OXR1: variants seen among roughly 807,000 people sequenced by gnomAD.
OXR1 encodes the protein oxidation resistance 1.
In OXR1, 41 loss-of-function variants were observed where a neutral mutation model predicts 104.6. The ratio of observed to expected loss-of-function variants is 0.39; its 90% CI spans 0.31 to 0.51. OXR1 has a LOEUF of 0.51. OXR1 is among the 20% of genes least tolerant of loss of function. The pLI is 0.77. For missense variants in OXR1, 955 were observed against 1,031.9 expected (o/e 0.93, Z 1.02); for synonymous variants, 348 against 348.4 (o/e 1.00, Z 0.01).
intron 1 of OXR1, among the ~76,000 whole-genome samples, chr8:106,300,167 C>T (rs1407600203): frequency 6.6e-6 from 1 of 152,140 alleles, no homozygotes; most frequent in East Asian, 1.9e-4. Context: ...TTCATCATCT[C>T]TATCTAGAAA....
intron 2 of OXR1, among the ~76,000 whole-genome samples, chr8:106,370,333 G>T (rs1318524697): frequency 1.3e-5 from 2 of 152,134 alleles, no homozygotes; most frequent in Non-Finnish European, 2.9e-5. Flanking sequence ...ATAAAATCAT[G>T]CCATCTGCAG....
chr8:106,647,784 A>G (rs1197031450), intron 3 of OXR1, among the ~76,000 whole-genome samples: 1 of 152,216 alleles, frequency 6.6e-6, no homozygotes, highest in African/African-American at 2.4e-5. Flanking sequence ...GTGGGCTATG[A>G]TGCCCAACCC....
chr8:106,693,759 T>C lies in OXR1; in HGVS notation c.675+882T>C, dbSNP rs181655101. On this transcript the variant is annotated intron_variant, in intron 7 of 16. Transcript: ENST00000517566. ...AATCTATTTTGTCTGCTTCACTTTG[T>C]TGCTTTTCTAAGCAAAAACTTCTAA... Among the ~76,000 whole-genome samples, 11 of 152,228 alleles carry C rather than the reference T, an allele frequency of 7.2e-5. No individual in the cohort carries two copies. In the East Asian group the frequency reaches 2.1e-3, roughly 29 times the overall value.
At chr8:106,474,039 A>T (rs1821669313) in intron 2 of OXR1, among the ~76,000 whole-genome samples, 1 of 147,216 alleles carries the variant, frequency 6.8e-6, no homozygotes, top group Admixed American at 6.8e-5. Flanking sequence ...ACACACACAC[A>T]CACACACACA....
At chr8:106,424,733 T>G (rs1352820851) in intron 2 of OXR1, among the ~76,000 whole-genome samples, 2 of 152,152 alleles carry the variant, frequency 1.3e-5, no homozygotes, top group African/African-American at 4.8e-5. Flanking sequence ...TTATCTCCAC[T>G]AGCAAATTTA....
chr8:106,274,599 C>A (rs1441160878), intron 1 of OXR1, among the ~76,000 whole-genome samples: 1 of 95,560 alleles, frequency 1.0e-5, no homozygotes, highest in Admixed American at 9.4e-5. Flanking sequence ...CCAGCAACGC[C>A]ACCCCCCCCC....
intron 2 of OXR1, among the ~76,000 whole-genome samples, chr8:106,431,605 C>A (rs984226411): frequency 2.6e-5 from 4 of 152,152 alleles, no homozygotes; most frequent in African/African-American, 9.7e-5. Context: ...TCTATTCGTT[C>A]GTCTGTCTTC....
At chr8:106,704,887 C>CAA (rs2131367403) in intron 8 of OXR1, among the ~76,000 whole-genome samples, 1 of 152,078 alleles carries the variant, frequency 6.6e-6, no homozygotes, top group East Asian at 1.9e-4. Context: ...TCTTTAAATT[C>CAA]TGCCTTATGG....
intron 2 of OXR1, among the ~76,000 whole-genome samples, chr8:106,375,529 G>C (rs1816872186): frequency 6.6e-6 from 1 of 152,140 alleles, no homozygotes; most frequent in Non-Finnish European, 1.5e-5. Context: ...TTGAGCTATA[G>C]TTATCATCAG....
chr8:106,320,506 C>T (rs906606395), intron 1 of OXR1, among the ~76,000 whole-genome samples: 4 of 152,026 alleles, frequency 2.6e-5, no homozygotes, highest in African/African-American at 9.7e-5. Flanking sequence ...AGTAAATATG[C>T]CCTTCTGTTT....
intron 2 of OXR1, chr8:106,447,987 A>C: frequency 6.5e-7 from 1 of 1,533,486 alleles, no homozygotes; most frequent in Non-Finnish European, 8.7e-7. Context: ...CCCGGCTCCC[A>C]CACAGCTATA....
At chr8:106,377,289 C>G (rs1168569830) in intron 2 of OXR1, among the ~76,000 whole-genome samples, 1 of 151,998 alleles carries the variant, frequency 6.6e-6, no homozygotes, top group Non-Finnish European at 1.5e-5. Context: ...CCCAAGCGAT[C>G]TTTCCGTCTC....
Position 106,519,144 on chromosome 8 carries a change from G to C in OXR1, c.220+5G>C. 6.5e-7 allele frequency: 1 copy of C among 1,541,820 alleles called. No individual in the cohort carries two copies. The highest frequency in any genetic ancestry group is 8.8e-7 in the Non-Finnish European group (1 of 1,138,814). On this transcript the variant is annotated splice_donor_5th_base_variant and intron_variant, in intron 3 of 16. Coordinates refer to ENST00000517566, the MANE Select transcript of OXR1 (RefSeq NM_001198533.2). ...TGAAGAGGTTCTACACAATTGGTGA[G>C]CACCAGATGTTTTATGCAAGTGAAT...
chr8:106,433,583 G>A (rs947137113), intron 2 of OXR1, among the ~76,000 whole-genome samples: 1 of 152,110 alleles, frequency 6.6e-6, no homozygotes, highest in African/African-American at 2.4e-5. Context: ...ACTTAGTTCC[G>A]TCTATGCCCA....
intron 1 of OXR1, among the ~76,000 whole-genome samples, chr8:106,304,721 A>G (rs1813404471): frequency 6.6e-6 from 1 of 152,120 alleles, no homozygotes; most frequent in Non-Finnish European, 1.5e-5. Context: ...CATTATCTCA[A>G]ATTAGCCTCT....
At chr8:106,734,487 A>G (rs903259542) in intron 11 of OXR1, among the ~76,000 whole-genome samples, 5 of 152,210 alleles carry the variant, frequency 3.3e-5, no homozygotes, top group African/African-American at 1.2e-4. Flanking sequence ...GCACATTGAC[A>G]TATAACTAGC....
chr8:106,282,389 C>G (rs573655929), intron 1 of OXR1, among the ~76,000 whole-genome samples: 1 of 152,188 alleles, frequency 6.6e-6, no homozygotes, highest in East Asian at 1.9e-4. Context: ...ATTATTAGAC[C>G]TGCTGTTAGA....
intron 2 of OXR1, among the ~76,000 whole-genome samples, chr8:106,455,010 C>G (rs774267635): frequency 8.5e-5 from 13 of 152,168 alleles, no homozygotes; most frequent in Non-Finnish European, 1.3e-4. Context: ...TTGTCTGTAC[C>G]CTTGCTGCTT....
At chr8:106,605,747 C>A (rs1056519056) in intron 3 of OXR1, among the ~76,000 whole-genome samples, 1 of 151,510 alleles carries the variant, frequency 6.6e-6, no homozygotes, top group Admixed American at 6.6e-5. Flanking sequence ...TGCAGTGAGC[C>A]GAGATGGTGC....
Sources: allele counts gnomAD v4.1 joint callset (sites outside exome capture counted in the v4.1 genomes callset), GRCh38; gene constraint gnomAD v4.1.1; transcripts MANE v1.5; gene names NCBI Gene and HGNC (gene_info 2026-07-23, HGNC 2026-07-21).